TLE6: variants seen among roughly 807,000 people sequenced by gnomAD.
TLE6 encodes the protein transducin-like enhancer protein 6.
A neutral mutation model predicts 77.1 loss-of-function variants in TLE6; 72 were observed. The ratio of observed to expected loss-of-function variants is 0.93; its 90% CI spans 0.77 to 1.14. The LOEUF (loss-of-function observed/expected upper bound fraction) is 1.14. TLE6 is among the 50% of genes most tolerant of loss of function. TLE6 has a pLI of 0.00. For synonymous variants in TLE6, 366 were observed against 287.3 expected (o/e 1.27, Z -2.77); for missense variants, 843 against 747.6 (o/e 1.13, Z -1.49).
At chr19:2,988,915 TTGAGGGG>T in intron 11 of TLE6, 139 bp from the exon 12 acceptor site, 1 of 602,004 alleles carries the variant, frequency 1.7e-6, no homozygotes, top group Non-Finnish European at 2.4e-6. Flanking sequence ...GAGCAGGACA[TTGAGGGG>T]AGTCTAGAGG....
At chr19:2,983,149 G>C (rs2088833415) in intron 5 of TLE6, among the ~76,000 whole-genome samples, 1 of 152,208 alleles carries the variant, frequency 6.6e-6, no homozygotes, top group South Asian at 2.1e-4. Flanking sequence ...GGGAGGAGGG[G>C]GGCAGCGAAG....
intron 5 of TLE6, among the ~76,000 whole-genome samples, chr19:2,983,627 G>GGGAGGGCAGGGAC (rs1555684362): frequency 1.3e-5 from 2 of 148,946 alleles, no homozygotes; most frequent in African/African-American, 2.5e-5. Context: ...AGAGGAGGAG[G>GGGAGGGCAGGGAC]GGGGGAGGGC....
chr19:2,988,049 T>C (rs778944815), intron 10 of TLE6, 42 bp from the exon 11 acceptor site: 1 of 1,559,980 alleles, frequency 6.4e-7, no homozygotes, highest in Non-Finnish European at 8.7e-7. Context: ...GGCACAGATG[T>C]GCGGGGAGGC....
chr19:2,992,793 A>AAAGGGGGG lies in TLE6; in HGVS notation c.1387-639_1387-638insAAGGGGGG, dbSNP rs1487334518. 1.0e-4 allele frequency among the ~76,000 whole-genome samples: 2 copies of AAAGGGGGG among 19,752 alleles called. 1 individual carries two copies. The highest frequency in any genetic ancestry group is 1.6e-4 in the Non-Finnish European group (2 of 12,370). The allele number at this position is 19,752 out of a possible 152,430, so 13.0% of individuals were successfully genotyped here. A position where few individuals can be genotyped will look rare whatever the true frequency, so the allele number is the denominator to read the frequency against. On this transcript the variant is annotated intron_variant, in intron 14 of 16. Transcript: ENST00000246112. The stretch of plus-strand genomic sequence containing the variant: ...AGACCCTGTCTCAAAAAAAAAAAAA[A>AAAGGGGGG]GGGGGGGAGGCGGGTGGGGGGGGGG...
intron 6 of TLE6, 34 bp downstream of exon 6, chr19:2,986,925 C>A: frequency 2.6e-6 from 4 of 1,553,228 alleles, no homozygotes; most frequent in Non-Finnish European, 3.5e-6. Context: ...GGGGAGGGGA[C>A]AGGCTTGGGT....
In TLE6 at chr19:2,987,141, G is replaced by C; in HGVS notation, c.444G>C (p.Trp148Cys). The C allele has an allele frequency of 1.9e-6, 3 of 1,614,056 alleles. No individual in the cohort carries two copies. The highest frequency in any genetic ancestry group is 2.5e-6 in the Non-Finnish European group (3 of 1,180,030). The change falls in exon 7 of 17, where the codon TGG (tryptophan) becomes TGC (cysteine). Residue 148 changes from tryptophan to cysteine, a missense_variant. By Grantham distance (215) the Trp-to-Cys change is radical. Coordinates refer to ENST00000246112, the MANE Select transcript of TLE6 (RefSeq NM_001143986.2). ...ATCAGCCGGAGACCCAGCTGTTCTG[G>C]GACAAGGAGCCTTGGTTTTGGCACG... ...EDNQPETQLFWDKEPWFWHDT... is the reference protein window; with the variant it reads ...EDNQPETQLFCDKEPWFWHDT...
chr19:2,988,726 CT>C (rs2088973101), intron 11 of TLE6, among the ~76,000 whole-genome samples: 1 of 152,066 alleles, frequency 6.6e-6, no homozygotes, highest in South Asian at 2.1e-4. Flanking sequence ...TTGTCCCAAC[CT>C]TGTGGAGTGA....
intron 5 of TLE6, among the ~76,000 whole-genome samples, chr19:2,985,979 CAGG>C (rs1482622344): frequency 7.5e-6 from 1 of 134,104 alleles, no homozygotes; most frequent in Non-Finnish European, 1.5e-5. Flanking sequence ...GAGGCTGAGG[CAGG>C]AGAATTGCTT....
At chr19:2,984,639 T>G (rs1158342993) in intron 5 of TLE6, among the ~76,000 whole-genome samples, 2 of 151,888 alleles carry the variant, frequency 1.3e-5, no homozygotes, top group Admixed American at 1.3e-4. Flanking sequence ...GGCTAACTTT[T>G]ATGTTTTTAG....
chr19:2,983,598 G>A (rs970941578), intron 5 of TLE6, among the ~76,000 whole-genome samples: 3 of 151,940 alleles, frequency 2.0e-5, no homozygotes, highest in South Asian at 2.1e-4. Context: ...GAGGAAGCCC[G>A]CATGGCTGGA....
intron 5 of TLE6, among the ~76,000 whole-genome samples, chr19:2,983,358 T>C (rs2088838314): frequency 6.6e-6 from 1 of 151,374 alleles, no homozygotes. Flanking sequence ...AGGCGGGGGA[T>C]GGAAGAGAGC....
rs2088767014 is a variant in TLE6 at position 2,980,106 on chromosome 19, C to T, written c.58C>T (p.Pro20Ser). ...CTTGCTTTGACCTTTCCAGCCTTGT[C>T]CTGGGATCTCGAACTCTGAGAGCTC... ...KGPPKSTSPC[P>S]GISNSESSPT... Residue 20 changes from proline to serine, a missense_variant, in exon 3 of 17, where the codon CCT (proline) becomes TCT (serine). By Grantham distance (74) the Pro-to-Ser change is moderately conservative. Coordinates refer to ENST00000246112, the MANE Select transcript of TLE6 (RefSeq NM_001143986.2). The T allele has an allele frequency of 6.5e-7, 1 of 1,550,334 alleles. No individual in the cohort carries two copies.
rs57654346 is a variant in TLE6, at chr19:2,991,996, G to A, written c.1386+12G>A. ...AATTCAAGTCTCAGGTGCGGAGGCC[G>A]GGATGGGGTCTGCTTGGCCAGGCAT... On this transcript the variant is annotated intron_variant, in intron 14 of 16. Coordinates refer to ENST00000246112, the MANE Select transcript of TLE6 (RefSeq NM_001143986.2). The A allele has an allele frequency of 5.9e-3, 9,545 of 1,612,178 alleles. 491 individuals carry two copies. The African/African-American group carries it at 0.11, about 19-fold the overall frequency.
At chr19:2,993,026 TAAAA>T (rs377287142) in intron 14 of TLE6, among the ~76,000 whole-genome samples, 4,392 of 48,208 alleles carry the variant, frequency 0.091, 298 homozygotes, top group African/African-American at 0.28. Context: ...CCGTCTCTAC[TAAAA>T]AAAAAAAAAA....
At chr19:2,986,110 A>AAAAAAAAAAAAT (rs71179945) in intron 5 of TLE6, among the ~76,000 whole-genome samples, 2 of 121,140 alleles carry the variant, frequency 1.7e-5, no homozygotes, top group Non-Finnish European at 3.4e-5. Flanking sequence ...AAAAAAAAAA[A>AAAAAAAAAAAAT]GATATATGCC....
At chr19:2,981,968 G>C (rs527470729) in intron 4 of TLE6, among the ~76,000 whole-genome samples, 180 bp from the exon 5 acceptor site, 3 of 151,530 alleles carry the variant, frequency 2.0e-5, no homozygotes, top group Admixed American at 6.6e-5. Context: ...GACTCTCTCT[G>C]AGGAAAAAAA....
At chr19:2,994,808 T>C in intron 16 of TLE6, 92 bp from the exon 17 acceptor site, 1 of 705,994 alleles carries the variant, frequency 1.4e-6, no homozygotes, top group Non-Finnish European at 2.4e-6. Flanking sequence ...TGTCTTTCTT[T>C]GAAGAGACGA....
chr19:2,979,269 T>C (rs1242693304), intron 2 of TLE6, among the ~76,000 whole-genome samples: 1 of 150,844 alleles, frequency 6.6e-6, no homozygotes, highest in African/African-American at 2.4e-5. Flanking sequence ...TTTATTTTAT[T>C]GAGTCTTGCT....
chr19:2,992,813 G>GGGGGGC (rs2089106763), intron 14 of TLE6, among the ~76,000 whole-genome samples: 2 of 44,278 alleles, frequency 4.5e-5, no homozygotes, highest in Non-Finnish European at 1.2e-4. Context: ...GCGGGTGGGG[G>GGGGGGC]GGGGGGAGGA....
Sources: gnomAD v4.1 joint callset for allele counts (sites outside exome capture counted in the v4.1 genomes callset) on GRCh38, gnomAD v4.1.1 for gene constraint, MANE v1.5 for transcripts, NCBI Gene and HGNC (gene_info 2026-07-23, HGNC 2026-07-21) for gene names.